Variants in TUSC3 observed in about 807,000 individuals in gnomAD.
The protein encoded by TUSC3 is dolichyl-diphosphooligosaccharide--protein glycosyltransferase subunit TUSC3.
A neutral mutation model predicts 44.8 loss-of-function variants in TUSC3; 45 were observed. That is an observed-to-expected ratio of 1.00 (90% CI 0.79 to 1.29). The LOEUF (loss-of-function observed/expected upper bound fraction) is 1.29. TUSC3 is among the 50% of genes most tolerant of loss of function. The probability of loss-of-function intolerance (pLI) is 0.00; values close to 1 mark genes in which losing one functional copy is unlikely to be tolerated. For missense variants in TUSC3, 519 were observed against 437.9 expected (o/e 1.19, Z -1.65); for synonymous variants, 212 against 152.9 (o/e 1.39, Z -2.85).
chr8:15,794,242 G>A, the TUSC3 span, among the ~76,000 whole-genome samples: 1 of 151,916 alleles, frequency 6.6e-6, no homozygotes, highest in Non-Finnish European at 1.5e-5. Flanking sequence ...GACTCATCCC[G>A]TTTTTTTGAG....
the TUSC3 span, among the ~76,000 whole-genome samples, chr8:15,785,432 A>C: frequency 1.3e-5 from 2 of 150,880 alleles, no homozygotes; most frequent in African/African-American, 4.9e-5. Flanking sequence ...TACATTAATT[A>C]TTGTGGACAC....
chr8:15,528,423 T>G (rs992447090), intron 2 of TUSC3, among the ~76,000 whole-genome samples: 1 of 152,194 alleles, frequency 6.6e-6, no homozygotes, highest in African/African-American at 2.4e-5. Flanking sequence ...AGAGAATAAT[T>G]GAAAGGAAGC....
intron 7 of TUSC3, among the ~76,000 whole-genome samples, chr8:15,740,367 T>A (rs352755): frequency 6.6e-6 from 1 of 151,982 alleles, no homozygotes; most frequent in Non-Finnish European, 1.5e-5. Context: ...TTTGGCCACA[T>A]TAAAATTAAA....
intron 2 of TUSC3, among the ~76,000 whole-genome samples, chr8:15,493,936 C>T (rs1366255765): frequency 6.6e-6 from 1 of 152,210 alleles, no homozygotes; most frequent in South Asian, 2.1e-4. Context: ...GCTGTAACCT[C>T]TTCAGTGACT....
intron 1 of TUSC3, among the ~76,000 whole-genome samples, chr8:15,588,912 T>C (rs2129149524): frequency 6.6e-6 from 1 of 152,256 alleles, no homozygotes; most frequent in Admixed American, 6.5e-5. Context: ...CCATTGGCCT[T>C]TGTGTCTGTG....
intron 1 of TUSC3, among the ~76,000 whole-genome samples, chr8:15,458,446 G>C (rs1020612191): frequency 6.6e-6 from 1 of 151,948 alleles, no homozygotes; most frequent in Non-Finnish European, 1.5e-5. Flanking sequence ...ACCATGTTGC[G>C]CAGGCTGGTC....
chr8:15,719,886 G>A (rs1810229791), intron 6 of TUSC3, among the ~76,000 whole-genome samples: 1 of 152,024 alleles, frequency 6.6e-6, no homozygotes, highest in Admixed American at 6.6e-5. Flanking sequence ...TGAGATTTCT[G>A]TTAAACATGA....
chr8:15,834,443 G>C, the TUSC3 span, among the ~76,000 whole-genome samples: 2 of 152,078 alleles, frequency 1.3e-5, no homozygotes, highest in African/African-American at 4.8e-5. Flanking sequence ...CCGTGGGAAG[G>C]TGTCTTTCAT....
intron 6 of TUSC3, among the ~76,000 whole-genome samples, chr8:15,730,321 T>A (rs1400861934): frequency 1.3e-5 from 2 of 152,154 alleles, no homozygotes; most frequent in African/African-American, 4.8e-5. Context: ...TTTTAAAGGA[T>A]GAAAAATCAT....
intron 1 of TUSC3, among the ~76,000 whole-genome samples, chr8:15,434,933 C>T (rs573201841): frequency 6.6e-6 from 1 of 151,250 alleles, no homozygotes; most frequent in Admixed American, 6.6e-5. Context: ...TCCAGTCTAT[C>T]ATTGTTGAAC....
At chr8:15,630,883 C>G (rs895457814) in intron 2 of TUSC3, among the ~76,000 whole-genome samples, 6 of 152,174 alleles carry the variant, frequency 3.9e-5, no homozygotes, top group Admixed American at 1.3e-4. Context: ...GGTCACACCT[C>G]TCATGGGTTT....
At chr8:15,814,316 G>A in the TUSC3 span, among the ~76,000 whole-genome samples, 2 of 152,172 alleles carry the variant, frequency 1.3e-5, no homozygotes, top group South Asian at 4.1e-4. Context: ...GAAGACATAA[G>A]CGCACCAAAA....
chr8:15,421,328 C>T (rs1362286942), intron 1 of TUSC3, among the ~76,000 whole-genome samples: 1 of 152,120 alleles, frequency 6.6e-6, no homozygotes. Context: ...ATTTCTACTA[C>T]TCTGAATTTA....
intron 2 of TUSC3, among the ~76,000 whole-genome samples, chr8:15,521,630 T>TA (rs1172567981): frequency 6.6e-6 from 1 of 151,746 alleles, no homozygotes; most frequent in Non-Finnish European, 1.5e-5. Flanking sequence ...CAAAAAAAGG[T>TA]ACGTGCATAA....
At chr8:15,517,202 C>A (rs185117433) in intron 2 of TUSC3, among the ~76,000 whole-genome samples, 2 of 152,096 alleles carry the variant, frequency 1.3e-5, no homozygotes, top group East Asian at 1.9e-4. Flanking sequence ...TATCTTAGCC[C>A]AATTTTTAAA....
intron 6 of TUSC3, among the ~76,000 whole-genome samples, chr8:15,725,818 A>C (rs1810475305): frequency 6.6e-6 from 1 of 152,198 alleles, no homozygotes; most frequent in African/African-American, 2.4e-5. Flanking sequence ...TATGACTAAA[A>C]TCGATTTTAT....
intron 2 of TUSC3, among the ~76,000 whole-genome samples, chr8:15,633,588 T>C (rs971199729): frequency 6.6e-6 from 1 of 152,046 alleles, no homozygotes; most frequent in African/African-American, 2.4e-5. Flanking sequence ...AAGAGGGCAA[T>C]TTTTTTACTA....
intron 10 of TUSC3, among the ~76,000 whole-genome samples, chr8:15,758,887 A>T (rs1034257945): frequency 6.6e-6 from 1 of 152,032 alleles, no homozygotes; most frequent in Admixed American, 6.6e-5. Flanking sequence ...ATTCCCAGAG[A>T]TGTTTTCCTA....
At chr8:15,759,859 C>T (rs976505621) in intron 10 of TUSC3, among the ~76,000 whole-genome samples, 1 of 152,154 alleles carries the variant, frequency 6.6e-6, no homozygotes, top group Non-Finnish European at 1.5e-5. Context: ...AAATCTCTTT[C>T]TCCACCCCTT....
Sources: gnomAD v4.1 joint callset for allele counts (sites outside exome capture counted in the v4.1 genomes callset) on GRCh38, gnomAD v4.1.1 for gene constraint, MANE v1.5 for transcripts, NCBI Gene and HGNC (gene_info 2026-07-23, HGNC 2026-07-21) for gene names.